Variants in ZFP1 observed in about 807,000 individuals in gnomAD.
ZFP1 encodes the protein ZFP1 zinc finger protein, also known as zinc finger protein 1 homolog.
A neutral mutation model predicts 38.5 loss-of-function variants in ZFP1; 32 were observed. The ratio of observed to expected loss-of-function variants is 0.83; its 90% CI spans 0.63 to 1.12. ZFP1 has a LOEUF of 1.12. Among genes scored for constraint, ZFP1 ranks in the 50% most tolerant of loss-of-function variants. The pLI, the probability that ZFP1 is intolerant of heterozygous loss-of-function variation, is 0.00. For missense variants in ZFP1, 616 were observed against 480.8 expected, an observed-to-expected ratio of 1.28 and a Z score of -2.63; for synonymous variants, 245 against 168.8, an observed-to-expected ratio of 1.45 and a Z score of -3.50.
At chr16:75,132,919 C>G in the ZFP1 span, among the ~76,000 whole-genome samples, 1 of 151,478 alleles carries the variant, frequency 6.6e-6, no homozygotes, top group East Asian at 1.9e-4. Context: ...CTCAACCTCC[C>G]AAAGTGCTTG....
At chr16:75,126,696 C>T in the ZFP1 span, among the ~76,000 whole-genome samples, 1 of 152,330 alleles carries the variant, frequency 6.6e-6, no homozygotes, top group African/African-American at 2.4e-5. Context: ...AGCCAGCACG[C>T]CCAGCCAGTT....
the ZFP1 span, chr16:75,132,471 CT>C: frequency 9.2e-5 from 14 of 151,572 alleles, no homozygotes; most frequent in African/African-American, 3.1e-4. Flanking sequence ...GAATATATTT[CT>C]CTAATCTCTG....
chr16:75,123,127 G>GGA, the ZFP1 span, among the ~76,000 whole-genome samples: 1 of 151,842 alleles, frequency 6.6e-6, no homozygotes, highest in Non-Finnish European at 1.5e-5. Context: ...GACAAGGCGA[G>GGA]TGGATCACGT....
chr16:75,153,837 G>A lies in ZFP1; in HGVS notation c.15+871G>A, dbSNP rs562320301. On this transcript the variant is annotated intron_variant, in intron 2 of 3. Transcript: ENST00000570010. ...CACTGCCCTGAAAATCCCGTGCTCC[G>A]CCTATGCACCTCTCCCTCTGTCTCC... is the stretch of plus-strand genomic sequence containing the variant. Among the ~76,000 whole-genome samples the A allele has an allele frequency of 4.1e-4, 63 of 152,158 alleles. 1 individual carries two copies. In the South Asian group the frequency reaches 9.6e-3, roughly 23 times the overall value.
the ZFP1 span, among the ~76,000 whole-genome samples, chr16:75,123,546 A>AC: frequency 7.0e-6 from 1 of 142,442 alleles, no homozygotes; most frequent in Admixed American, 7.2e-5. Context: ...TTCCTCTGTC[A>AC]CCCAGGCTGG....
rs375737032 is a variant in ZFP1, at chr16:75,170,073, G to A, written c.963G>A (p.Glu321=). The A allele has an allele frequency of 6.4e-5, 103 of 1,614,060 alleles. No individual in the cohort carries two copies. The highest frequency in any genetic ancestry group is 8.1e-5 in the Non-Finnish European group (95 of 1,180,032). ...TACATCAGAAGATTCACACGGGGGA[G>A]AAACGCTATGAGTGCAGTGAATGTG... is the stretch of plus-strand genomic sequence containing the variant. ...LIIHQKIHTG[E]KRYECSECGK... is the part of the protein sequence containing the mutation. The change falls in exon 4 of 4, where the codon GAG becomes GAA. Residue 321 remains glutamate (E), a synonymous_variant. Transcript: ENST00000570010.
chr16:75,156,878 A>G (rs1195649385), intron 2 of ZFP1, among the ~76,000 whole-genome samples: 1 of 152,228 alleles, frequency 6.6e-6, no homozygotes, highest in Non-Finnish European at 1.5e-5. Context: ...AAGCCAAACC[A>G]AGTACAGTTA....
Position 75,170,030 on chromosome 16 carries a change from A to T in ZFP1, c.920A>T (p.Lys307Met). Residue 307 changes from lysine to methionine, a missense_variant, in exon 4 of 4, where the codon AAG (lysine) becomes ATG (methionine). Lys to Met is a moderately conservative substitution (Grantham distance 95). Transcript: ENST00000570010. ...ECNECAKTFF[K>M]KSNLIIHQKI... ...AACGAATGTGCAAAAACCTTCTTTA[A>T]GAAGTCAAACCTTATCATACATCAG... The T allele has an allele frequency of 6.2e-7, 1 of 1,614,234 alleles. No homozygotes were observed. The highest frequency in any genetic ancestry group is 8.5e-7 in the Non-Finnish European group (1 of 1,180,042).
the ZFP1 span, among the ~76,000 whole-genome samples, chr16:75,125,120 A>G: frequency 1.3e-5 from 2 of 151,400 alleles, no homozygotes; most frequent in Non-Finnish European, 1.5e-5. Context: ...TTAGCCAGGC[A>G]TGGTGGCACG....
At chr16:75,166,359 A>G (rs2038081613) in intron 2 of ZFP1, among the ~76,000 whole-genome samples, 1 of 152,054 alleles carries the variant, frequency 6.6e-6, no homozygotes, top group Non-Finnish European at 1.5e-5. Context: ...CAGCTCCCCC[A>G]CGTAGCTGGG....
the ZFP1 span, among the ~76,000 whole-genome samples, chr16:75,121,822 T>G: frequency 6.6e-6 from 1 of 152,194 alleles, no homozygotes; most frequent in East Asian, 1.9e-4. Context: ...CTCAGTAAAA[T>G]TATTAATAAA....
intron 2 of ZFP1, among the ~76,000 whole-genome samples, chr16:75,159,035 T>A (rs2037612462): frequency 6.6e-6 from 1 of 151,762 alleles, no homozygotes; most frequent in African/African-American, 2.4e-5. Context: ...TAGCTGGGAC[T>A]ACAGGCACAT....
chr16:75,168,081 T>G (rs1296836888), intron 3 of ZFP1, among the ~76,000 whole-genome samples: 1 of 151,728 alleles, frequency 6.6e-6, no homozygotes, highest in Non-Finnish European at 1.5e-5. Flanking sequence ...AAATAAGACC[T>G]CCTGACTTCA....
the ZFP1 span, among the ~76,000 whole-genome samples, chr16:75,123,879 C>A: frequency 6.6e-6 from 1 of 151,890 alleles, no homozygotes; most frequent in East Asian, 2.0e-4. Context: ...ATCACAAGGT[C>A]AGGAAATCAA....
At chr16:75,150,551 A>T (rs529262724) in intron 1 of ZFP1, among the ~76,000 whole-genome samples, 1 of 152,140 alleles carries the variant, frequency 6.6e-6, no homozygotes, top group African/African-American at 2.4e-5. Context: ...TTATAGTTTA[A>T]TTCTGATTTG....
At chr16:75,120,744 A>G in the ZFP1 span, among the ~76,000 whole-genome samples, 9 of 151,232 alleles carry the variant, frequency 6.0e-5, no homozygotes, top group East Asian at 1.9e-4. Context: ...TGGGACTACA[A>G]GCGCCACCAT....
At position 75,169,938 on chromosome 16, in the gene ZFP1, A is replaced by G; in HGVS notation, c.828A>G (p.Thr276=). 1 of 1,614,120 alleles carries G rather than the reference A, an allele frequency of 6.2e-7. No homozygotes were observed. Among genetic ancestry groups the G allele is most frequent in the Non-Finnish European group, 8.5e-7 (1 of 1,180,002 alleles). Residue 276 remains threonine (T), a synonymous_variant, in exon 4 of 4, where the codon ACA becomes ACG. Coordinates refer to ENST00000570010, the MANE Select transcript of ZFP1 (RefSeq NM_153688.4). ...KPYECSECGK[T]FAQKFELTTH... ...ATGAGTGCAGTGAATGTGGAAAGAC[A>G]TTTGCCCAAAAGTTTGAACTCACCA...
At chr16:75,167,394 A>T (rs1327518762) in intron 3 of ZFP1, among the ~76,000 whole-genome samples, 3 of 117,132 alleles carry the variant, frequency 2.6e-5, no homozygotes, top group Non-Finnish European at 5.1e-5. Context: ...CTCCCTGCTT[A>T]CCTTTTTTTT....
In ZFP1 at chr16:75,169,643, A is replaced by G; in HGVS notation, c.533A>G (p.Lys178Arg). 3.1e-6 allele frequency: 5 copies of G among 1,594,044 alleles called. No homozygotes were observed. Among genetic ancestry groups the G allele is most frequent in the Non-Finnish European group, 4.3e-6 (5 of 1,174,584 alleles). The change falls in exon 4 of 4, where the codon AAA (lysine) becomes AGA (arginine). Residue 178 changes from lysine (K) to arginine (R), a missense_variant. Physicochemically the swap from Lys to Arg is conservative, Grantham distance 26 (BLOSUM62 2). Coordinates refer to ENST00000570010, the MANE Select transcript of ZFP1 (RefSeq NM_153688.4). ...GCCATTTTTAAACATCAGAAAATAA[A>G]AAACTTGGTTCAACCTTTCATTTGT... ...KAAIFKHQKI[K>R]NLVQPFICTY...
Sources: gnomAD v4.1 joint callset for allele counts (sites outside exome capture counted in the v4.1 genomes callset) on GRCh38, gnomAD v4.1.1 for gene constraint, MANE v1.5 for transcripts, NCBI Gene and HGNC (gene_info 2026-07-23, HGNC 2026-07-21) for gene names.